Variants in ZNF385D observed in about 807,000 individuals in gnomAD.
The protein encoded by ZNF385D is zinc finger protein 659.
Under a neutral mutation model 35.8 loss-of-function variants are expected in ZNF385D, and 15 were observed. The ratio of observed to expected loss-of-function variants is 0.42; its 90% confidence interval spans 0.28 to 0.64. The LOEUF is 0.64. Among genes scored for constraint, ZNF385D ranks in the 30% least tolerant of loss-of-function variants. The pLI, the probability that ZNF385D is intolerant of heterozygous loss-of-function variation, is 0.23. For missense variants in ZNF385D, 474 were observed against 494.6 expected (o/e 0.96, Z 0.39); for synonymous variants, 212 against 186.8 (o/e 1.13, Z -1.10).
chr3:22,352,762 T>C (rs1695975326), intron 2 of ZNF385D, among the ~76,000 whole-genome samples: 1 of 152,192 alleles, frequency 6.6e-6, no homozygotes, highest in African/African-American at 2.4e-5. Context: ...GCATACATAG[T>C]TCTCCACAAA....
intron 3 of ZNF385D, among the ~76,000 whole-genome samples, chr3:21,910,391 T>A (rs17010081): frequency 0.085 from 12,855 of 152,028 alleles, 682 homozygotes; most frequent in South Asian, 0.21. Context: ...AGCTGAACAA[T>A]CTTTTAAAAT....
chr3:22,241,093 C>G (rs978354074), intron 2 of ZNF385D, among the ~76,000 whole-genome samples: 2 of 151,158 alleles, frequency 1.3e-5, no homozygotes, highest in Non-Finnish European at 2.9e-5. Flanking sequence ...AGCAGATATT[C>G]AGTATGTTTG....
intron 2 of ZNF385D, among the ~76,000 whole-genome samples, chr3:22,298,499 AAT>A (rs1702726887): frequency 6.8e-6 from 1 of 146,236 alleles, no homozygotes. Context: ...ATAATATATA[AAT>A]ATACATAAAA....
chr3:22,357,231 G>A (rs1311618449), intron 2 of ZNF385D, among the ~76,000 whole-genome samples: 1 of 151,906 alleles, frequency 6.6e-6, no homozygotes, highest in Admixed American at 6.6e-5. Flanking sequence ...TTCAGGAAGT[G>A]TTTAAGGGAG....
intron 4 of ZNF385D, among the ~76,000 whole-genome samples, chr3:21,446,279 A>G (rs1160298682): frequency 1.3e-5 from 2 of 152,148 alleles, no homozygotes; most frequent in African/African-American, 4.8e-5. Flanking sequence ...ACAGCAAGTC[A>G]TGAATGCAAG....
At chr3:21,933,901 G>A (rs1575951015) in intron 3 of ZNF385D, among the ~76,000 whole-genome samples, 1 of 151,586 alleles carries the variant, frequency 6.6e-6, no homozygotes, top group African/African-American at 2.4e-5. Context: ...AAGACTGCCA[G>A]GAACATTGGA....
At chr3:22,332,770 A>G (rs1559525407) in intron 2 of ZNF385D, among the ~76,000 whole-genome samples, 1 of 152,192 alleles carries the variant, frequency 6.6e-6, no homozygotes, top group Non-Finnish European at 1.5e-5. Flanking sequence ...GTGAAAGAAT[A>G]AGCATGGAAT....
chr3:22,181,250 T>C (rs927590578), intron 2 of ZNF385D, among the ~76,000 whole-genome samples: 11 of 152,112 alleles, frequency 7.2e-5, no homozygotes, highest in African/African-American at 2.7e-4. Context: ...TATTTTCTTA[T>C]ACCCAGATAA....
chr3:22,293,098 A>G (rs1423336308), intron 2 of ZNF385D, among the ~76,000 whole-genome samples: 1 of 152,120 alleles, frequency 6.6e-6, no homozygotes, highest in Non-Finnish European at 1.5e-5. Context: ...TCTTATATAT[A>G]ACTCAAATGC....
At chr3:21,780,237 T>G (rs1400636705) in intron 3 of ZNF385D, among the ~76,000 whole-genome samples, 1 of 152,004 alleles carries the variant, frequency 6.6e-6, no homozygotes, top group Non-Finnish European at 1.5e-5. Flanking sequence ...TCAACCTCTT[T>G]AACAATCCTA....
intron 3 of ZNF385D, among the ~76,000 whole-genome samples, chr3:21,790,780 T>C (rs1216174809): frequency 6.6e-6 from 1 of 152,250 alleles, no homozygotes; most frequent in Non-Finnish European, 1.5e-5. Context: ...GAATTAAGCA[T>C]ATGCTCAGAT....
At chr3:22,334,192 A>T (rs1298527468) in intron 2 of ZNF385D, among the ~76,000 whole-genome samples, 1 of 152,092 alleles carries the variant, frequency 6.6e-6, no homozygotes, top group South Asian at 2.1e-4. Context: ...CAATTATCTT[A>T]ATTACTTGAG....
intron 3 of ZNF385D, among the ~76,000 whole-genome samples, chr3:21,531,994 G>A (rs958616602): frequency 1.3e-5 from 2 of 152,102 alleles, no homozygotes; most frequent in African/African-American, 4.8e-5. Flanking sequence ...CTGGGCACAA[G>A]GTAAATGGGA....
At chr3:21,867,034 G>A (rs1456699535) in intron 3 of ZNF385D, among the ~76,000 whole-genome samples, 1 of 152,088 alleles carries the variant, frequency 6.6e-6, no homozygotes, top group Non-Finnish European at 1.5e-5. Flanking sequence ...ACTACCTTGA[G>A]GTTGGAGAGA....
chr3:21,633,798 A>G (rs2065348590), intron 2 of ZNF385D, among the ~76,000 whole-genome samples: 1 of 152,134 alleles, frequency 6.6e-6, no homozygotes, highest in Admixed American at 6.6e-5. Flanking sequence ...TCCATAATGT[A>G]TACATTGCTT....
chr3:21,913,503 T>C (rs139805552), intron 3 of ZNF385D, among the ~76,000 whole-genome samples: 17 of 152,244 alleles, frequency 1.1e-4, no homozygotes, highest in African/African-American at 2.6e-4. Flanking sequence ...TGCTCATCCT[T>C]ACAGTGTTGG....
intron 3 of ZNF385D, among the ~76,000 whole-genome samples, chr3:22,040,061 G>C (rs1698571580): frequency 6.6e-6 from 1 of 152,136 alleles, no homozygotes; most frequent in Non-Finnish European, 1.5e-5. Context: ...TAACGGCCAA[G>C]TCTCAAGATT....
At chr3:21,578,576 T>C (rs2063560732) in intron 2 of ZNF385D, among the ~76,000 whole-genome samples, 1 of 152,188 alleles carries the variant, frequency 6.6e-6, no homozygotes. Context: ...CCTGTATCAT[T>C]TATCTAAGAG....
intron 3 of ZNF385D, among the ~76,000 whole-genome samples, chr3:22,105,962 G>GTAATCATAAATAACTTTCATATTACTT (rs1702187902): frequency 6.6e-6 from 1 of 152,056 alleles, no homozygotes; most frequent in Non-Finnish European, 1.5e-5. Context: ...TGTATTTTGA[G>GTAATCATAAATAACTTTCATATTACTT]TAATCATAAA....
Sources: allele counts gnomAD v4.1 joint callset (sites outside exome capture counted in the v4.1 genomes callset), GRCh38; gene constraint gnomAD v4.1.1; transcripts MANE v1.5; gene names NCBI Gene and HGNC (gene_info 2026-07-23, HGNC 2026-07-21).